EZH2: variants seen among roughly 807,000 people sequenced by gnomAD.
EZH2 encodes the protein enhancer of zeste 2 polycomb repressive complex 2 subunit.
A neutral mutation model predicts 98.4 loss-of-function variants in EZH2; 18 were observed. The observed-to-expected ratio is 0.18, with a 90% confidence interval of 0.13 to 0.27. The LOEUF is 0.27. Ranked by LOEUF, EZH2 falls within the 10% of genes least tolerant of loss-of-function variation. The pLI is 1.00. For synonymous variants in EZH2, 338 were observed against 312.3 expected (o/e 1.08, Z -0.87); for missense variants, 470 against 935.1 (o/e 0.50, Z 6.49).
chr7:148,846,772 C>G (rs1378690035), intron 2 of EZH2, among the ~76,000 whole-genome samples, 174 bp from the exon 3 acceptor site: 5 of 151,618 alleles, frequency 3.3e-5, no homozygotes, highest in Admixed American at 3.3e-4. Flanking sequence ...TACAAAAACA[C>G]CACATCTGTT....
intron 1 of EZH2, among the ~76,000 whole-genome samples, chr7:148,882,063 G>A (rs180852636): frequency 2.0e-5 from 3 of 151,534 alleles, no homozygotes; most frequent in East Asian, 3.9e-4. Flanking sequence ...TCTCATAATG[G>A]ACAAGATTAT....
chr7:148,839,807 A>G (rs1356204193), intron 3 of EZH2, among the ~76,000 whole-genome samples: 1 of 152,192 alleles, frequency 6.6e-6, no homozygotes, highest in Non-Finnish European at 1.5e-5. Context: ...TTGGCCTCCC[A>G]AAGTGCTGGG....
rs190131654 is a variant in EZH2, at chr7:148,858,341, T to A, written c.-7-11036A>T. Among the ~76,000 whole-genome samples the A allele has an allele frequency of 1.2e-4, 18 of 151,788 alleles. No individual in the cohort carries two copies. In the East Asian group the frequency reaches 3.5e-3, roughly 29 times the overall value. ...GAGAGCTTGTACTATTATTATTATT[T>A]TTATTATTATTTTGAGGCAGGGCTC... On this transcript the variant is annotated intron_variant, in intron 1 of 19. Coordinates refer to ENST00000320356, the MANE Select transcript of EZH2 (RefSeq NM_004456.5).
rs1208158276 is a variant in EZH2, at chr7:148,873,507, A to AG, written c.-8+10656_-8+10657insC. On this transcript the variant is annotated intron_variant, in intron 1 of 19. Transcript: ENST00000320356. ...ACTCTGTCTCAAAAAAAAAAAAAAA[A>AG]AAAGAAAGATCATTGTAAGATCAGT... Among the ~76,000 whole-genome samples, 324 of 145,634 alleles carry AG rather than the reference A, an allele frequency of 2.2e-3. 1 individual carries two copies. Among genetic ancestry groups the AG allele is most frequent in the Non-Finnish European group, 3.9e-3 (258 of 66,408 alleles).
intron 17 of EZH2, 36 bp downstream of exon 17, chr7:148,810,297 C>T: frequency 1.3e-6 from 2 of 1,520,092 alleles, no homozygotes; most frequent in Non-Finnish European, 1.8e-6. Context: ...CCACATGCAA[C>T]TCAGGAACTC....
intron 8 of EZH2, among the ~76,000 whole-genome samples, chr7:148,824,055 C>G (rs550747189): frequency 1.3e-5 from 2 of 152,072 alleles, no homozygotes; most frequent in Non-Finnish European, 2.9e-5. Flanking sequence ...TAGCTCACAC[C>G]TGTAGTCCCA....
intron 1 of EZH2, among the ~76,000 whole-genome samples, chr7:148,849,145 T>A (rs913308102): frequency 6.6e-6 from 1 of 152,138 alleles, no homozygotes; most frequent in Non-Finnish European, 1.5e-5. Flanking sequence ...GCTGGTTAAA[T>A]CCATGAATTC....
chr7:148,855,486 T>C (rs1465380409), intron 1 of EZH2, among the ~76,000 whole-genome samples: 1 of 152,138 alleles, frequency 6.6e-6, no homozygotes, highest in African/African-American at 2.4e-5. Context: ...TGCCTCACTC[T>C]CCTCATGAAA....
intron 1 of EZH2, among the ~76,000 whole-genome samples, chr7:148,848,932 T>C (rs1814933727): frequency 6.6e-6 from 1 of 152,180 alleles, no homozygotes; most frequent in South Asian, 2.1e-4. Context: ...ATACTTTTTT[T>C]TTTTACCTGG....
At chr7:148,874,751 A>T (rs1400766111) in intron 1 of EZH2, among the ~76,000 whole-genome samples, 1 of 152,152 alleles carries the variant, frequency 6.6e-6, no homozygotes, top group Non-Finnish European at 1.5e-5. Flanking sequence ...AGTATATATA[A>T]TCTGAAAAGC....
chr7:148,811,299 C>T (rs1225655058), intron 16 of EZH2, among the ~76,000 whole-genome samples: 1 of 152,140 alleles, frequency 6.6e-6, no homozygotes, highest in African/African-American at 2.4e-5. Context: ...TACAAGTATG[C>T]ACCACCACGC....
intron 8 of EZH2, 56 bp downstream of exon 8, chr7:148,826,398 T>C: frequency 7.5e-7 from 1 of 1,328,578 alleles, no homozygotes; most frequent in Non-Finnish European, 9.9e-7. Context: ...ATGATAGCAC[T>C]CTCCAAGCTG....
rs559529438 is a variant in EZH2 at position 148,810,561 on chromosome 7, G to T, written c.1948-147C>A. 5.6e-6 allele frequency: 3 copies of T among 536,248 alleles called. No individual in the cohort carries two copies. The Admixed American group carries it at 8.3e-5, about 15-fold the overall frequency. The allele number at this position is 536,248 out of a possible 1,614,324, so 33.2% of individuals were successfully genotyped here. On this transcript the variant is annotated intron_variant, in intron 16 of 19. Coordinates refer to ENST00000320356, the MANE Select transcript of EZH2 (RefSeq NM_004456.5). ...TACAGCCAAGTTCTCTTTCCCATTC[G>T]GTCTGCGCAGTAATAAAGAATAACT...
intron 1 of EZH2, among the ~76,000 whole-genome samples, chr7:148,869,984 G>A (rs1000173741): frequency 4.6e-5 from 7 of 151,920 alleles, no homozygotes; most frequent in African/African-American, 1.7e-4. Flanking sequence ...ACTCTGGGAG[G>A]CCAAGGTGAA....
intron 1 of EZH2, among the ~76,000 whole-genome samples, chr7:148,881,732 G>A (rs1271235198): frequency 6.6e-6 from 1 of 151,940 alleles, no homozygotes; most frequent in Non-Finnish European, 1.5e-5. Flanking sequence ...TCAGGAGTTC[G>A]AGACCAGCCT....
chr7:148,862,873 G>A (rs1194833523), intron 1 of EZH2, among the ~76,000 whole-genome samples: 4 of 151,984 alleles, frequency 2.6e-5, no homozygotes, highest in Non-Finnish European at 4.4e-5. Context: ...CTTTTGCACC[G>A]TGGGTACAAA....
intron 8 of EZH2, among the ~76,000 whole-genome samples, chr7:148,822,370 T>C (rs1563224410): frequency 6.6e-6 from 1 of 151,658 alleles, no homozygotes; most frequent in Non-Finnish European, 1.5e-5. Context: ...ATTAGCTGGA[T>C]GTGGTAGCAC....
chr7:148,810,286 G>A (rs766342798), intron 17 of EZH2, 47 bp downstream of exon 17: 112 of 1,414,992 alleles, frequency 7.9e-5, no homozygotes, highest in Non-Finnish European at 1.1e-4. Context: ...GCAGAAGGCT[G>A]CCACATGCAA....
At position 148,818,709 on chromosome 7, in the gene EZH2, C is replaced by T. The variant is rs147964517; in HGVS notation, c.1000-592G>A. ...CAGCCACAGGAAGACATGAAAGGAACTTCAGGAATAAGACTGTGAGGGTTA... is the reference window on the plus strand; with the variant it reads ...CAGCCACAGGAAGACATGAAAGGAATTTCAGGAATAAGACTGTGAGGGTTA... On this transcript the variant is annotated intron_variant, in intron 9 of 19. Transcript: ENST00000320356. Among the ~76,000 whole-genome samples the T allele has an allele frequency of 2.7e-3, 404 of 152,006 alleles. 3 individuals are homozygous for T. Among genetic ancestry groups the T allele is most frequent in the African/African-American group, 8.3e-3 (345 of 41,450 alleles).
Sources: gnomAD v4.1 joint callset for allele counts (sites outside exome capture counted in the v4.1 genomes callset) on GRCh38, gnomAD v4.1.1 for gene constraint, MANE v1.5 for transcripts, NCBI Gene and HGNC (gene_info 2026-07-23, HGNC 2026-07-21) for gene names.